NFIA: variants seen among roughly 807,000 people sequenced by gnomAD.
NFIA encodes nuclear factor I A.
NFIA carries 8 observed loss-of-function variants against 62.8 expected under a neutral mutation model. That is an observed-to-expected ratio of 0.13 (90% CI 0.07 to 0.23). The LOEUF is 0.23. Ranked by LOEUF, NFIA falls within the 10% of genes least tolerant of loss-of-function variation. NFIA has a pLI of 1.00. For missense variants in NFIA, 410 were observed against 642.1 expected, an observed-to-expected ratio of 0.64 and a Z score of 3.91; for synonymous variants, 235 against 238.1, an observed-to-expected ratio of 0.99 and a Z score of 0.12.
intron 2 of NFIA, among the ~76,000 whole-genome samples, chr1:61,186,455 C>T (rs910536037): frequency 1.3e-4 from 20 of 152,062 alleles, no homozygotes; most frequent in South Asian, 4.2e-4. Context: ...AGGCAATGGG[C>T]GTGCAACTGT....
rs146154995 is a variant in NFIA, at chr1:61,239,849, A to G, written c.560-37671A>G. Among the ~76,000 whole-genome samples the G allele has an allele frequency of 3.7e-3, 556 of 152,272 alleles. 1 individual carries two copies. Among genetic ancestry groups the G allele is most frequent in the African/African-American group, 0.013 (528 of 41,590 alleles). ...AATTGAAAGGATTTGGTATAATCTC[A>G]TAAAGAAACAGGCAAATTCTGGGGT... On this transcript the variant is annotated intron_variant, in intron 2 of 10. Transcript: ENST00000403491.
chr1:61,253,136 A>G (rs1442854344), intron 2 of NFIA, among the ~76,000 whole-genome samples: 3 of 152,228 alleles, frequency 2.0e-5, no homozygotes, highest in East Asian at 3.8e-4. Context: ...GTGTTATACA[A>G]CATGGAAGTC....
At position 61,417,075 on chromosome 1, in the gene NFIA, G is replaced by A. The variant is rs548187772; in HGVS notation, c.1421-9390G>A. On this transcript the variant is annotated intron_variant, in intron 9 of 10. Transcript: ENST00000403491. ...TTGGATGATTCCATTCATTTGGGTC[G>A]TCATAACCCAGTCAACTCTTGTGTT... is the stretch of plus-strand genomic sequence containing the variant. Among the ~76,000 whole-genome samples the A allele has an allele frequency of 2.3e-4, 35 of 151,982 alleles. 1 individual carries two copies. The highest frequency in any genetic ancestry group is 1.3e-3 in the Admixed American group (20 of 15,248).
intron 2 of NFIA, among the ~76,000 whole-genome samples, chr1:61,190,510 T>C (rs1341340771): frequency 2.0e-5 from 3 of 152,228 alleles, no homozygotes; most frequent in Non-Finnish European, 4.4e-5. Flanking sequence ...ACACGTCTTA[T>C]CCCATTTTTA....
At chr1:61,306,098 C>T (rs1357331267) in intron 3 of NFIA, among the ~76,000 whole-genome samples, 2 of 151,800 alleles carry the variant, frequency 1.3e-5, no homozygotes, top group Non-Finnish European at 2.9e-5. Flanking sequence ...GATCCGCCCG[C>T]CTTGGCCTCC....
At chr1:61,368,201 G>A (rs1320323348) in intron 6 of NFIA, among the ~76,000 whole-genome samples, 2 of 152,112 alleles carry the variant, frequency 1.3e-5, no homozygotes, top group African/African-American at 2.4e-5. Context: ...ATTCTAGAAG[G>A]GGAGGAAGAA....
At chr1:61,249,976 C>G (rs1004079685) in intron 2 of NFIA, 10 of 152,094 alleles carry the variant, frequency 6.6e-5, no homozygotes, top group African/African-American at 2.2e-4. Flanking sequence ...ACATGCAGTT[C>G]CTTTTCTAGG....
At chr1:61,452,295 A>G (rs1210020805) in intron 10 of NFIA, among the ~76,000 whole-genome samples, 1 of 151,808 alleles carries the variant, frequency 6.6e-6, no homozygotes, top group Admixed American at 6.6e-5. Context: ...ACTATCTGCC[A>G]TCTCTGCAAA....
chr1:61,188,184 C>A (rs1434151906), intron 2 of NFIA, among the ~76,000 whole-genome samples: 1 of 151,944 alleles, frequency 6.6e-6, no homozygotes, highest in Non-Finnish European at 1.5e-5. Flanking sequence ...GTAACTGGGA[C>A]CACAGGTGCG....
intron 2 of NFIA, among the ~76,000 whole-genome samples, chr1:61,265,589 A>G (rs1657105142): frequency 6.6e-6 from 1 of 152,212 alleles, no homozygotes; most frequent in South Asian, 2.1e-4. Context: ...TCAAAAACCA[A>G]GTTATTACAG....
At chr1:61,277,379 T>C in intron 2 of NFIA, 141 bp from the exon 3 acceptor site, 1 of 749,538 alleles carries the variant, frequency 1.3e-6, no homozygotes, top group Non-Finnish European at 2.2e-6. Context: ...TTCCATCTTT[T>C]CTTTTTTTCA....
At chr1:61,081,680 T>C, upstream of NFIA, 2 of 533,504 alleles carry the variant, frequency 3.7e-6, no homozygotes, top group Non-Finnish European at 3.4e-6. Context: ...CTCATTAATC[T>C]CCGCCTTCTT....
intron 6 of NFIA, among the ~76,000 whole-genome samples, chr1:61,365,030 A>T (rs1160024907): frequency 6.6e-6 from 1 of 152,114 alleles, no homozygotes; most frequent in African/African-American, 2.4e-5. Context: ...ACAAAAAAAA[A>T]TTTTTAATTA....
chr1:61,235,250 C>T (rs2100637498), intron 2 of NFIA, among the ~76,000 whole-genome samples: 1 of 152,102 alleles, frequency 6.6e-6, no homozygotes, highest in Non-Finnish European at 1.5e-5. Context: ...ATCATGAGGT[C>T]AGGAGATCGA....
At chr1:61,329,121 C>T (rs1278302945) in intron 3 of NFIA, among the ~76,000 whole-genome samples, 4 of 149,274 alleles carry the variant, frequency 2.7e-5, no homozygotes, top group Admixed American at 1.3e-4. Flanking sequence ...GATCTTGGCT[C>T]GCTGCAACCT....
chr1:61,167,386 ATAT>A (rs1018027833), intron 2 of NFIA, among the ~76,000 whole-genome samples: 1 of 152,168 alleles, frequency 6.6e-6, no homozygotes, highest in Admixed American at 6.6e-5. Flanking sequence ...AGTCATTATG[ATAT>A]TATTTCATAG....
At chr1:61,123,266 TCCTACTGGCAG>T (rs1646917084) in intron 2 of NFIA, among the ~76,000 whole-genome samples, 1 of 152,206 alleles carries the variant, frequency 6.6e-6, no homozygotes, top group South Asian at 2.1e-4. Context: ...ACGCAGGCCA[TCCTACTGGCAG>T]CTGTTTTGTA....
At chr1:61,123,546 G>C (rs1043258148) in intron 2 of NFIA, among the ~76,000 whole-genome samples, 3 of 152,182 alleles carry the variant, frequency 2.0e-5, no homozygotes, top group Admixed American at 2.0e-4. Context: ...AATGACATAA[G>C]TCTGTATAAT....
At chr1:61,453,720 A>G (rs1382991195) in intron 10 of NFIA, among the ~76,000 whole-genome samples, 1 of 152,142 alleles carries the variant, frequency 6.6e-6, no homozygotes, top group African/African-American at 2.4e-5. Flanking sequence ...AGAAGGGAGG[A>G]AGCGGCTCTA....
Sources: allele counts gnomAD v4.1 joint callset (sites outside exome capture counted in the v4.1 genomes callset), GRCh38; gene constraint gnomAD v4.1.1; transcripts MANE v1.5; gene names NCBI Gene and HGNC (gene_info 2026-07-23, HGNC 2026-07-21).